The following ZSWIM6 variants were observed in gnomAD, a reference collection of about 807,000 sequenced individuals.
The protein encoded by ZSWIM6 is zinc finger SWIM-type containing 6, also known as zinc finger SWIM domain-containing protein 6.
A neutral mutation model predicts 113.2 loss-of-function variants in ZSWIM6; 9 were observed. That is an observed-to-expected ratio of 0.08 (90% CI 0.05 to 0.14). The LOEUF (loss-of-function observed/expected upper bound fraction) is 0.14. Ranked by LOEUF, ZSWIM6 falls within the 10% of genes least tolerant of loss-of-function variation. The probability of loss-of-function intolerance (pLI) is 1.00; values close to 1 mark genes in which losing one functional copy is unlikely to be tolerated. For synonymous variants in ZSWIM6, 611 were observed against 606.5 expected (o/e 1.01, Z -0.11); for missense variants, 1,162 against 1,552.2 (o/e 0.75, Z 4.22).
intron 1 of ZSWIM6, among the ~76,000 whole-genome samples, chr5:61,403,492 G>C (rs1211537790): frequency 6.6e-6 from 1 of 152,174 alleles, no homozygotes; most frequent in African/African-American, 2.4e-5. Flanking sequence ...AGCAACTTCA[G>C]CCTTTCACAG....
At chr5:61,437,501 T>C (rs1746734890) in intron 1 of ZSWIM6, among the ~76,000 whole-genome samples, 1 of 152,026 alleles carries the variant, frequency 6.6e-6, no homozygotes, top group Non-Finnish European at 1.5e-5. Context: ...GGTGGGCAGA[T>C]TGCTTGAGCC....
chr5:61,332,350 C>T lies in ZSWIM6; in HGVS notation c.78C>T (p.Gly26=). The T allele has an allele frequency of 9.9e-7, 1 of 1,012,152 alleles. No individual in the cohort carries two copies. Among genetic ancestry groups the T allele is most frequent in the Non-Finnish European group, 1.2e-6 (1 of 830,654 alleles). The allele number at this position is 1,012,152 out of a possible 1,614,324, so 62.7% of individuals were successfully genotyped here. A position where few individuals can be genotyped will look rare whatever the true frequency, so the allele number is the denominator to read the frequency against. The part of the protein sequence containing the change: ...CRPGGGGGGG[G]SSGGGGGAGG... ...CGGGCGGCGGCGGCGGCGGCGGGGG[C>T]AGCAGCGGCGGCGGCGGCGGCGCGG... is the stretch of plus-strand genomic sequence containing the variant. The change falls in exon 1 of 14, where the codon GGC becomes GGT. Residue 26 remains glycine, a synonymous_variant. Coordinates refer to ENST00000252744, the MANE Select transcript of ZSWIM6 (RefSeq NM_020928.2).
intron 1 of ZSWIM6, among the ~76,000 whole-genome samples, chr5:61,350,524 T>A (rs1744760553): frequency 6.6e-6 from 1 of 152,192 alleles, no homozygotes. Context: ...AGATTCTCAG[T>A]CTCCATGGGT....
intron 1 of ZSWIM6, among the ~76,000 whole-genome samples, chr5:61,338,952 G>A (rs1350290427): frequency 6.6e-6 from 1 of 152,112 alleles, no homozygotes; most frequent in Non-Finnish European, 1.5e-5. Context: ...ATTGTTCTAA[G>A]TATGTCCTCA....
At chr5:61,359,918 G>C (rs924002587) in intron 1 of ZSWIM6, among the ~76,000 whole-genome samples, 30 of 152,024 alleles carry the variant, frequency 2.0e-4, no homozygotes, top group African/African-American at 7.2e-4. Flanking sequence ...CAGGGTATTG[G>C]TTATAGTGAT....
At chr5:61,360,241 G>A (rs1244471708) in intron 1 of ZSWIM6, among the ~76,000 whole-genome samples, 3 of 151,988 alleles carry the variant, frequency 2.0e-5, no homozygotes, top group Admixed American at 6.6e-5. Flanking sequence ...ACAAAAAAAG[G>A]CCCCTTTTCT....
rs375647426 is a variant in ZSWIM6, at chr5:61,545,284, G to GACAC, written c.*978_*981dup. On this transcript the variant is annotated 3_prime_UTR_variant, in exon 14 of 14. Coordinates refer to ENST00000252744, the MANE Select transcript of ZSWIM6 (RefSeq NM_020928.2). ...ATACATATATATATGTATACACACA[G>GACAC]ACACACACACACACCACCAACAACC... The GACAC allele has an allele frequency of 3.3e-5, 5 of 150,520 alleles. No homozygotes were observed. In the South Asian group the frequency reaches 1.1e-3, roughly 32 times the overall value. The allele number at this position is 150,520 out of a possible 1,614,324, so 9.3% of individuals were successfully genotyped here. A position where few individuals can be genotyped will look rare whatever the true frequency, so the allele number is the denominator to read the frequency against.
At chr5:61,469,676 C>T (rs772605552) in intron 1 of ZSWIM6, among the ~76,000 whole-genome samples, 1 of 151,974 alleles carries the variant, frequency 6.6e-6, no homozygotes, top group Admixed American at 6.6e-5. Flanking sequence ...CATTTGAGGG[C>T]TTCACCAGTT....
intron 1 of ZSWIM6, among the ~76,000 whole-genome samples, chr5:61,402,617 T>C (rs1745961097): frequency 6.6e-6 from 1 of 152,146 alleles, no homozygotes; most frequent in African/African-American, 2.4e-5. Context: ...CTTCAGAGAA[T>C]AAGATACTGT....
chr5:61,426,758 C>T (rs930435909), intron 1 of ZSWIM6, among the ~76,000 whole-genome samples: 5 of 151,920 alleles, frequency 3.3e-5, no homozygotes, highest in African/African-American at 9.7e-5. Context: ...AGCATGCCCA[C>T]CTTTTTCTAA....
intron 9 of ZSWIM6, among the ~76,000 whole-genome samples, chr5:61,534,716 C>T (rs1378288995): frequency 1.3e-5 from 2 of 152,110 alleles, no homozygotes; most frequent in Admixed American, 6.5e-5. Context: ...AAGCAGCATT[C>T]AGGGAGCACA....
intron 1 of ZSWIM6, among the ~76,000 whole-genome samples, chr5:61,333,409 C>T (rs75989234): frequency 0.041 from 6,239 of 151,930 alleles, 233 homozygotes; most frequent in South Asian, 0.18. Flanking sequence ...GGCGCTCCCC[C>T]CCTCTCCCAC....
chr5:61,425,744 T>C (rs1204121273), intron 1 of ZSWIM6, among the ~76,000 whole-genome samples: 2 of 152,156 alleles, frequency 1.3e-5, no homozygotes, highest in African/African-American at 4.8e-5. Flanking sequence ...GTAAAGGACA[T>C]TTTGGGCAGA....
At chr5:61,429,061 T>C (rs1371238792) in intron 1 of ZSWIM6, among the ~76,000 whole-genome samples, 1 of 152,238 alleles carries the variant, frequency 6.6e-6, no homozygotes, top group African/African-American at 2.4e-5. Context: ...TTTTTATCAT[T>C]TTATGTAAAT....
chr5:61,455,848 C>G (rs1345426334), intron 1 of ZSWIM6, among the ~76,000 whole-genome samples: 1 of 137,308 alleles, frequency 7.3e-6, no homozygotes, highest in Non-Finnish European at 1.6e-5. Flanking sequence ...ACTGTTAACA[C>G]TGTTAAGGAA....
At chr5:61,410,133 C>T (rs1213434120) in intron 1 of ZSWIM6, among the ~76,000 whole-genome samples, 1 of 152,026 alleles carries the variant, frequency 6.6e-6, no homozygotes, top group Non-Finnish European at 1.5e-5. Flanking sequence ...AAGGTGAAGT[C>T]AGCATATAGA....
At chr5:61,501,852 A>G (rs373723739) in intron 4 of ZSWIM6, among the ~76,000 whole-genome samples, 1 of 152,210 alleles carries the variant, frequency 6.6e-6, no homozygotes, top group Non-Finnish European at 1.5e-5. Context: ...TAGGAATGTC[A>G]TAGCGTTGGT....
intron 1 of ZSWIM6, among the ~76,000 whole-genome samples, chr5:61,431,787 C>T (rs1033702084): frequency 6.6e-6 from 1 of 152,136 alleles, no homozygotes; most frequent in Non-Finnish European, 1.5e-5. Context: ...TTGACTACTT[C>T]ACCTACCCTC....
chr5:61,387,107 A>G (rs2112087442), intron 1 of ZSWIM6, among the ~76,000 whole-genome samples: 3 of 151,756 alleles, frequency 2.0e-5, no homozygotes, highest in Middle Eastern at 6.8e-3. Context: ...TGCTTATGTC[A>G]GAAAATAGCT....
Sources: allele counts gnomAD v4.1 joint callset (sites outside exome capture counted in the v4.1 genomes callset), GRCh38; gene constraint gnomAD v4.1.1; transcripts MANE v1.5; gene names NCBI Gene and HGNC (gene_info 2026-07-23, HGNC 2026-07-21).